Variants in TMEFF2 observed in about 807,000 individuals in gnomAD.
The protein encoded by TMEFF2 is transmembrane protein with EGF like and two follistatin like domains 2, also known as tomoregulin-2.
A neutral mutation model predicts 53.8 loss-of-function variants in TMEFF2; 28 were observed. The ratio of observed to expected loss-of-function variants is 0.52; its 90% CI spans 0.39 to 0.71. The LOEUF is 0.71. Among genes scored for constraint, TMEFF2 ranks in the 30% least tolerant of loss-of-function variants. The pLI is 0.00. For missense variants in TMEFF2, 353 were observed against 455.2 expected (o/e 0.78, Z 2.04); for synonymous variants, 162 against 166.3 (o/e 0.97, Z 0.20).
At position 192,046,181 on chromosome 2, in the gene TMEFF2, A is replaced by T. The variant is rs1291971979; in HGVS notation, c.536+11498T>A. On this transcript the variant is annotated intron_variant, in intron 5 of 9. Transcript: ENST00000272771. ...GGAGTTCGAGACCAACCTGACTAAT[A>T]TGGTGAAACCCTGTCTCTACTAAAA... Among the ~76,000 whole-genome samples the T allele has an allele frequency of 4.6e-5, 7 of 152,188 alleles. No individual in the cohort carries two copies. The East Asian group carries it at 1.4e-3, about 29-fold the overall frequency.
In TMEFF2 at chr2:192,194,489, G is replaced by A; in HGVS notation, c.36C>T (p.Ser12=). Residue 12 remains serine, a synonymous_variant, in exon 1 of 10, where the codon AGC becomes AGT. Coordinates refer to ENST00000272771, the MANE Select transcript of TMEFF2 (RefSeq NM_016192.4). This position sits in a 1 kb window ranked among gnomAD's most constrained non-coding sequence, Gnocchi z 4.2. ...AGCAAAAGCCCTCGCAAAGTGTCCAGCTGCTGCACTGCCGCGGGGACTCCC... is the reference window on the plus strand; with the variant it reads ...AGCAAAAGCCCTCGCAAAGTGTCCAACTGCTGCACTGCCGCGGGGACTCCC... ...VLWESPRQCS[S]WTLCEGFCWL... 1 of 1,614,002 alleles carries A rather than the reference G, an allele frequency of 6.2e-7. No homozygotes were observed. The highest frequency in any genetic ancestry group is 8.5e-7 in the Non-Finnish European group (1 of 1,180,024).
chr2:192,131,244 G>A (rs1689818010), intron 4 of TMEFF2, among the ~76,000 whole-genome samples: 1 of 149,826 alleles, frequency 6.7e-6, no homozygotes, highest in East Asian at 2.0e-4. Context: ...GAAGGGGCAA[G>A]TACCCCAACC....
intron 9 of TMEFF2, among the ~76,000 whole-genome samples, chr2:191,950,695 C>T (rs1691849517): frequency 6.6e-6 from 1 of 152,098 alleles, no homozygotes; most frequent in Non-Finnish European, 1.5e-5. Flanking sequence ...TGACTCAGCA[C>T]AATGCAATCA....
rs536266977 is a variant in TMEFF2, at chr2:191,999,993, ATAATC to A, written c.537-790_537-786del. Among the ~76,000 whole-genome samples the A allele has an allele frequency of 6.3e-3, 952 of 152,174 alleles. 19 individuals carry two copies. The highest frequency in any genetic ancestry group is 0.022 in the African/African-American group (920 of 41,544). The stretch of plus-strand genomic sequence containing the variant: ...CCACTCATGATGTTAATATTTTTCT[ATAATC>A]TAAATAAAAATTCAGTGATTTAATG... On this transcript the variant is annotated intron_variant, in intron 5 of 9. Coordinates refer to ENST00000272771, the MANE Select transcript of TMEFF2 (RefSeq NM_016192.4).
intron 7 of TMEFF2, among the ~76,000 whole-genome samples, chr2:191,985,316 A>AT (rs1009328545): frequency 8.5e-5 from 13 of 152,142 alleles, no homozygotes; most frequent in Non-Finnish European, 1.8e-4. Flanking sequence ...TGTCCCAAGT[A>AT]TTTTTCACAA....
intron 1 of TMEFF2, among the ~76,000 whole-genome samples, chr2:192,193,732 G>A (rs1691517738): frequency 6.9e-6 from 1 of 145,246 alleles, no homozygotes; most frequent in African/African-American, 2.6e-5. Context: ...AGGAGAGAAG[G>A]GAATGAGAGA....
chr2:191,964,333 C>T lies in TMEFF2; in HGVS notation c.746-7955G>A, dbSNP rs28464161. Reference sequence around the variant, plus strand: ...TTTCTTTCCTTCCTTCCTTTCTTTCCTTCTTTCTTTCTTTCTTTCTTTCTT... The same window carrying T: ...TTTCTTTCCTTCCTTCCTTTCTTTCTTTCTTTCTTTCTTTCTTTCTTTCTT... On this transcript the variant is annotated intron_variant, in intron 7 of 9. Coordinates refer to ENST00000272771, the MANE Select transcript of TMEFF2 (RefSeq NM_016192.4). Among the ~76,000 whole-genome samples the T allele has an allele frequency of 6.1e-3, 433 of 71,504 alleles. 8 individuals are homozygous for T. Among genetic ancestry groups the T allele is most frequent in the African/African-American group, 0.021 (405 of 19,290 alleles). 46.9% of individuals were successfully genotyped at this position (71,504 alleles called of 152,430 possible). A position where few individuals can be genotyped will look rare whatever the true frequency, so the allele number is the denominator to read the frequency against.
chr2:192,008,486 GC>G (rs1218943483), intron 5 of TMEFF2, among the ~76,000 whole-genome samples: 1 of 152,142 alleles, frequency 6.6e-6, no homozygotes, highest in Non-Finnish European at 1.5e-5. Context: ...GTATCTTGAA[GC>G]AAAATTCCTC....
At chr2:192,167,407 C>T (rs1690794774) in intron 4 of TMEFF2, among the ~76,000 whole-genome samples, 1 of 152,024 alleles carries the variant, frequency 6.6e-6, no homozygotes, top group Non-Finnish European at 1.5e-5. Flanking sequence ...TATGTTAATA[C>T]TGAAATGTTA....
intron 4 of TMEFF2, among the ~76,000 whole-genome samples, chr2:192,122,798 C>T (rs1689587721): frequency 6.6e-6 from 1 of 152,086 alleles, no homozygotes; most frequent in Non-Finnish European, 1.5e-5. Flanking sequence ...CAGATTGACA[C>T]AGCTATAATC....
chr2:192,159,038 C>G (rs570940819), intron 4 of TMEFF2, among the ~76,000 whole-genome samples: 1 of 152,128 alleles, frequency 6.6e-6, no homozygotes, highest in African/African-American at 2.4e-5. Context: ...TCTCAAAGGA[C>G]TAGAAACTCC....
chr2:192,173,138 C>G (rs1412315171), intron 4 of TMEFF2, among the ~76,000 whole-genome samples: 1 of 151,644 alleles, frequency 6.6e-6, no homozygotes, highest in Non-Finnish European at 1.5e-5. Context: ...TAAAAGAATA[C>G]AATAGGAATG....
At chr2:191,972,513 C>T (rs1251306791) in intron 7 of TMEFF2, among the ~76,000 whole-genome samples, 2 of 151,508 alleles carry the variant, frequency 1.3e-5, no homozygotes, top group Admixed American at 1.3e-4. Flanking sequence ...GCACATCTGT[C>T]TGTTACTAAA....
chr2:192,139,115 C>A (rs1411251678), intron 4 of TMEFF2, among the ~76,000 whole-genome samples: 1 of 152,028 alleles, frequency 6.6e-6, no homozygotes, highest in Non-Finnish European at 1.5e-5. Context: ...AACATATAAC[C>A]AAGGTTGAAT....
At position 192,040,862 on chromosome 2, in the gene TMEFF2, A is replaced by G. The variant is rs558360449; in HGVS notation, c.536+16817T>C. ...TGATTTCAATAAGGGTGTCCAAAAA[A>G]TTTGATGATGAAAGGCTAGTCTTTT... On this transcript the variant is annotated intron_variant, in intron 5 of 9. Coordinates refer to ENST00000272771, the MANE Select transcript of TMEFF2 (RefSeq NM_016192.4). Among the ~76,000 whole-genome samples the G allele has an allele frequency of 5.3e-5, 8 of 152,298 alleles. No individual in the cohort carries two copies. The South Asian group carries it at 1.7e-3, about 32-fold the overall frequency.
At chr2:192,119,287 A>C (rs1041533277) in intron 4 of TMEFF2, among the ~76,000 whole-genome samples, 46 of 152,346 alleles carry the variant, frequency 3.0e-4, no homozygotes, top group Admixed American at 9.2e-4. Flanking sequence ...GGGAGTATAT[A>C]ACATTTTGCA....
At position 191,961,337 on chromosome 2, in the gene TMEFF2, A is replaced by G. The variant is rs968153438; in HGVS notation, c.746-4959T>C. Among the ~76,000 whole-genome samples the G allele has an allele frequency of 2.0e-5, 3 of 152,198 alleles. No homozygotes were observed. In the South Asian group the frequency reaches 6.2e-4, roughly 32 times the overall value. ...AGTTTGGTTTATTATCTTTTCAACT[A>G]TCTTTTGCTGTTGGTCCACAAAATG... On this transcript the variant is annotated intron_variant, in intron 7 of 9. Transcript: ENST00000272771.
chr2:192,020,657 T>C (rs1686839000), intron 5 of TMEFF2, among the ~76,000 whole-genome samples: 1 of 152,066 alleles, frequency 6.6e-6, no homozygotes. Flanking sequence ...AAAGTTATTT[T>C]CAAAAAGTGT....
At position 192,040,901 on chromosome 2, in the gene TMEFF2, A is replaced by G. The variant is rs112805551; in HGVS notation, c.536+16778T>C. 3.3e-3 allele frequency among the ~76,000 whole-genome samples: 509 copies of G among 152,318 alleles called. 3 individuals carry two copies. Among genetic ancestry groups the G allele is most frequent in the African/African-American group, 0.012 (483 of 41,586 alleles). ...GGCTAGTCTTTTCAACAAATGGTGT[A>G]GAAACAACTGGATATCTACATGTAA... On this transcript the variant is annotated intron_variant, in intron 5 of 9. Transcript: ENST00000272771.
Sources: allele counts gnomAD v4.1 joint callset (sites outside exome capture counted in the v4.1 genomes callset), GRCh38; gene constraint gnomAD v4.1.1; non-coding constraint Gnocchi (gnomAD v3.1); transcripts MANE v1.5; gene names NCBI Gene and HGNC (gene_info 2026-07-23, HGNC 2026-07-21).